The following TENT4A variants were observed in gnomAD, a reference collection of about 807,000 sequenced individuals.
The protein encoded by TENT4A is terminal nucleotidyltransferase 4A.
A neutral mutation model predicts 72.8 loss-of-function variants in TENT4A; 7 were observed. That is an observed-to-expected ratio of 0.10 (90% confidence interval 0.05 to 0.18). TENT4A has a LOEUF of 0.18. Ranked by LOEUF, TENT4A falls within the 10% of genes least tolerant of loss-of-function variation. The pLI is 1.00. For missense variants in TENT4A, 831 were observed against 1,017.7 expected (o/e 0.82, Z 2.50); for synonymous variants, 456 against 434.3 (o/e 1.05, Z -0.62).
chr5:6,746,182 C>T (rs867555642), intron 6 of TENT4A, 32 bp from the exon 7 acceptor site: 1 of 1,613,946 alleles, frequency 6.2e-7, no homozygotes, highest in Non-Finnish European at 8.5e-7. Context: ...TGCCATGAAT[C>T]CATACAAATT....
chr5:6,729,138 T>A (rs149696613), intron 1 of TENT4A, among the ~76,000 whole-genome samples: 16 of 152,386 alleles, frequency 1.0e-4, no homozygotes, highest in Middle Eastern at 3.4e-3. Flanking sequence ...GGTTCCTTCC[T>A]GAGTGTGGCT....
chr5:6,744,009 AC>A lies in TENT4A; in HGVS notation c.1245+171del, dbSNP rs1198145140. Reference sequence around the variant, plus strand: ...ACAATCAAACCCTCTTGATTAATGCACCTTTCTGGATGCTCATTTTGTACTG... The same window carrying A: ...ACAATCAAACCCTCTTGATTAATGCACTTTCTGGATGCTCATTTTGTACTG... On this transcript the variant is annotated intron_variant, in intron 6 of 12. Transcript: ENST00000230859. Among the ~76,000 whole-genome samples the A allele has an allele frequency of 3.9e-5, 6 of 152,128 alleles. No individual in the cohort carries two copies. In the East Asian group the frequency reaches 9.6e-4, roughly 24 times the overall value.
At chr5:6,745,416 C>A (rs1333278419) in intron 6 of TENT4A, among the ~76,000 whole-genome samples, 2 of 152,198 alleles carry the variant, frequency 1.3e-5, no homozygotes, top group East Asian at 3.9e-4. Context: ...CGATAGAATT[C>A]TGTGATGGTG....
chr5:6,739,063 A>G (rs1206665571), intron 3 of TENT4A, among the ~76,000 whole-genome samples: 1 of 152,210 alleles, frequency 6.6e-6, no homozygotes, highest in African/African-American at 2.4e-5. Context: ...TGAAAAATTG[A>G]TCTTATGTTT....
chr5:6,742,517 G>A lies in TENT4A; in HGVS notation c.1036G>A (p.Glu346Lys). The stretch of plus-strand genomic sequence containing the variant: ...ACCAATAATAAAGCTCACAGATCAG[G>A]AGACTGAAGTGAAAGTTGACATCAG... ...TVPIIKLTDQ[E>K]TEVKVDISFN... Residue 346 changes from glutamate (E) to lysine (K), a missense_variant, in exon 5 of 13, where the codon GAG (glutamate) becomes AAG (lysine). By Grantham distance (56) the Glu-to-Lys change is moderately conservative. This residue lies in a region of TENT4A where 197 missense variants were observed against 399.6 expected (regional missense o/e 0.49). Coordinates refer to ENST00000230859, the MANE Select transcript of TENT4A (RefSeq NM_006999.6). 1.9e-6 allele frequency: 3 copies of A among 1,612,656 alleles called. No individual in the cohort carries two copies. The highest frequency in any genetic ancestry group is 1.3e-5 in the African/African-American group (1 of 74,994).
rs1213852330 is a variant in TENT4A, at chr5:6,755,677, C to T, written c.*732C>T. On this transcript the variant is annotated 3_prime_UTR_variant, in exon 13 of 13. Coordinates refer to ENST00000230859, the MANE Select transcript of TENT4A (RefSeq NM_006999.6). ...TCGGAAGTGAGTGAAGGAGCCAGGT[C>T]GCCCTGAAGGTTTTCCAAAGGGCTT... The T allele has an allele frequency of 6.6e-6, 1 of 152,338 alleles. No individual in the cohort carries two copies. The highest frequency in any genetic ancestry group is 1.9e-4 in the East Asian group (1 of 5,198). 9.4% of individuals were successfully genotyped at this position (152,338 alleles called of 1,614,324 possible).
chr5:6,744,823 T>C (rs561253156), intron 6 of TENT4A, among the ~76,000 whole-genome samples: 1 of 152,374 alleles, frequency 6.6e-6, no homozygotes, highest in African/African-American at 2.4e-5. Flanking sequence ...GAATTAAACA[T>C]GGGCCTCTGT....
chr5:6,724,590 G>A lies in TENT4A; in HGVS notation c.716+9891G>A, dbSNP rs185320720. Among the ~76,000 whole-genome samples the A allele has an allele frequency of 9.2e-5, 14 of 152,266 alleles. No homozygotes were observed. In the East Asian group the frequency reaches 2.3e-3, roughly 25 times the overall value. ...ACCGAGACCACACTCTAAAGGGTAG[G>A]AATCTATGGGAACTATTCAGGGAGA... On this transcript the variant is annotated intron_variant, in intron 1 of 12. Transcript: ENST00000230859.
intron 1 of TENT4A, among the ~76,000 whole-genome samples, chr5:6,720,675 AAAATAAAT>A (rs141500932): frequency 0.056 from 7,888 of 140,104 alleles, 297 homozygotes; most frequent in African/African-American, 0.11. Context: ...ACTCTGTCTC[AAAATAAAT>A]AAATAAATAA....
intron 4 of TENT4A, among the ~76,000 whole-genome samples, chr5:6,741,574 C>A (rs897291780): frequency 2.0e-5 from 3 of 152,242 alleles, no homozygotes; most frequent in Non-Finnish European, 2.9e-5. Context: ...GTATTTCTTT[C>A]TCTGCCTTCT....
chr5:6,736,123 G>A (rs190450683), intron 1 of TENT4A, among the ~76,000 whole-genome samples: 2 of 152,324 alleles, frequency 1.3e-5, no homozygotes, highest in East Asian at 3.9e-4. Flanking sequence ...CTGATTTGCA[G>A]GTGCTTCATG....
intron 1 of TENT4A, among the ~76,000 whole-genome samples, chr5:6,725,084 G>T (rs1422980527): frequency 3.3e-5 from 5 of 152,234 alleles, no homozygotes; most frequent in Non-Finnish European, 7.3e-5. Context: ...CACTTTGGGA[G>T]GCCAAGGAGG....
chr5:6,714,070 C>T lies in TENT4A; in HGVS notation c.87C>T (p.Gly29=), dbSNP rs925433399. 3.8e-4 allele frequency: 374 copies of T among 992,814 alleles called. No homozygotes were observed. Among genetic ancestry groups the T allele is most frequent in the Admixed American group, 6.2e-4 (10 of 16,008 alleles). The allele number at this position is 992,814 out of a possible 1,614,324, so 61.5% of individuals were successfully genotyped here. The change falls in exon 1 of 13, where the codon GGC becomes GGT. Residue 29 remains glycine, a synonymous_variant. Coordinates refer to ENST00000230859, the MANE Select transcript of TENT4A (RefSeq NM_006999.6). ...TGCAGATCTGGGAGACCTCGCAGGG[C>T]GTGGGCCGCGGCGGCTCGGGCTTCG... ...LWMQIWETSQ[G]VGRGGSGFAS...
chr5:6,750,785 T>C (rs1434338569), intron 10 of TENT4A: 11 of 543,842 alleles, frequency 2.0e-5, no homozygotes, highest in Non-Finnish European at 3.2e-6. Context: ...TTTTTAAAAA[T>C]TTATTTGAAG....
intron 11 of TENT4A, among the ~76,000 whole-genome samples, chr5:6,752,130 G>A (rs978543789): frequency 1.2e-4 from 18 of 152,208 alleles, no homozygotes; most frequent in Admixed American, 1.1e-3. Context: ...TGGCCCTGAC[G>A]TCCTGGCCAT....
rs372057324 is a variant in TENT4A at position 6,752,853 on chromosome 5, G to A, written c.2020-20G>A. ...TCTGATTGCTTTGGTACCCATGGCC[G>A]TCTCTCATTTTGTTCCTAGACCAGG... On this transcript the variant is annotated intron_variant, in intron 11 of 12. Coordinates refer to ENST00000230859, the MANE Select transcript of TENT4A (RefSeq NM_006999.6). 58 of 1,604,328 alleles carry A rather than the reference G, an allele frequency of 3.6e-5. No individual in the cohort carries two copies. The Admixed American group carries it at 3.7e-4, about 10-fold the overall frequency.
chr5:6,747,264 C>G (rs73035421), intron 7 of TENT4A, among the ~76,000 whole-genome samples: 200 of 152,298 alleles, frequency 1.3e-3, no homozygotes, highest in African/African-American at 4.4e-3. Flanking sequence ...TGGGCCTTCT[C>G]CTCTGTGTGG....
chr5:6,730,772 A>C (rs1265185906), intron 1 of TENT4A, among the ~76,000 whole-genome samples: 1 of 151,926 alleles, frequency 6.6e-6, no homozygotes, highest in Non-Finnish European at 1.5e-5. Context: ...AAAAAAAAAA[A>C]AAGCCTTGAA....
At chr5:6,750,177 A>C (rs966838083) in intron 9 of TENT4A, among the ~76,000 whole-genome samples, 154 bp from the exon 10 acceptor site, 3 of 152,270 alleles carry the variant, frequency 2.0e-5, no homozygotes, top group Non-Finnish European at 2.9e-5. Flanking sequence ...AATTGAATGT[A>C]ATTTTTAAAA....
Sources: gnomAD v4.1 joint callset for allele counts (sites outside exome capture counted in the v4.1 genomes callset) on GRCh38, gnomAD v4.1.1 for gene constraint, gnomAD v4.1.1 regional missense constraint, MANE v1.5 for transcripts, NCBI Gene and HGNC (gene_info 2026-07-23, HGNC 2026-07-21) for gene names.